GRIN2B: variants seen among roughly 807,000 people sequenced by gnomAD.
The protein encoded by GRIN2B is glutamate ionotropic receptor NMDA type subunit 2B, also known as glutamate receptor ionotropic, NMDA 2B.
A neutral mutation model predicts 114.5 loss-of-function variants in GRIN2B; 5 were observed. That is an observed-to-expected ratio of 0.04 (90% confidence interval 0.02 to 0.09). The LOEUF is 0.09. Ranked by LOEUF, GRIN2B falls within the 10% of genes least tolerant of loss-of-function variation. The pLI is 1.00. For synonymous variants in GRIN2B, 787 were observed against 745.1 expected, an observed-to-expected ratio of 1.06 and a Z score of -0.92; for missense variants, 1,108 against 1,943.5, an observed-to-expected ratio of 0.57 and a Z score of 8.08.
At chr12:13,594,671 T>TA (rs34596965) in intron 10 of GRIN2B, among the ~76,000 whole-genome samples, 46,744 of 142,214 alleles carry the variant, frequency 0.33, 8,429 homozygotes, top group East Asian at 0.64. Context: ...CTTAAAGTAT[T>TA]AAAAAAAAAA....
At chr12:13,785,890 T>C (rs958270646) in intron 3 of GRIN2B, among the ~76,000 whole-genome samples, 1 of 152,200 alleles carries the variant, frequency 6.6e-6, no homozygotes, top group African/African-American at 2.4e-5. Context: ...AATCTAAGAC[T>C]CTAGGAGCCA....
At chr12:13,761,037 T>C (rs781288372) in intron 3 of GRIN2B, among the ~76,000 whole-genome samples, 14 of 152,188 alleles carry the variant, frequency 9.2e-5, no homozygotes, top group South Asian at 2.1e-4. Flanking sequence ...ATATCATGAC[T>C]GAAACACACA....
chr12:13,794,766 C>T (rs1229251007), intron 3 of GRIN2B, among the ~76,000 whole-genome samples: 2 of 152,222 alleles, frequency 1.3e-5, no homozygotes, highest in African/African-American at 4.8e-5. Flanking sequence ...CCTCAGAATG[C>T]ACAATGCCCC....
At chr12:13,932,653 C>T (rs186586488) in intron 2 of GRIN2B, among the ~76,000 whole-genome samples, 5 of 152,192 alleles carry the variant, frequency 3.3e-5, no homozygotes, top group Admixed American at 2.6e-4. Flanking sequence ...TTCTATGATG[C>T]CTACCCTAAA....
intron 2 of GRIN2B, among the ~76,000 whole-genome samples, chr12:13,906,126 G>A (rs1866531029): frequency 1.3e-5 from 2 of 152,132 alleles, no homozygotes; most frequent in Admixed American, 1.3e-4. Flanking sequence ...GCAATTTGAT[G>A]GTTTCAGACA....
At chr12:13,883,841 C>G (rs774604517) in intron 2 of GRIN2B, among the ~76,000 whole-genome samples, 12 of 151,956 alleles carry the variant, frequency 7.9e-5, no homozygotes, top group Non-Finnish European at 1.6e-4. Flanking sequence ...TTTTGTATAT[C>G]TAGAAAGTCT....
At chr12:13,691,250 T>C (rs1950213319) in intron 4 of GRIN2B, among the ~76,000 whole-genome samples, 1 of 152,174 alleles carries the variant, frequency 6.6e-6, no homozygotes, top group Non-Finnish European at 1.5e-5. Context: ...GTCAGTATCT[T>C]CAGAGAGTCC....
rs57206826 is a variant in GRIN2B, at chr12:13,547,981, A to ATTTTTTTTTTTTTTTTTT, written c.*14801_*14802insAAAAAAAAAAAAAAAAAA. On this transcript the variant is annotated 3_prime_UTR_variant, in exon 14 of 14. Transcript: ENST00000609686. ...TGTGTATATATATATATATATATAT[A>ATTTTTTTTTTTTTTTTTT]TTTTTTTTTTTTTTCTGAAAGCTAC... The ATTTTTTTTTTTTTTTTTT allele has an allele frequency of 1.3e-4, 9 of 68,588 alleles. No homozygotes were observed. The highest frequency in any genetic ancestry group is 2.0e-4 in the Non-Finnish European group (7 of 34,394). 4.2% of individuals were successfully genotyped at this position (68,588 alleles called of 1,614,324 possible).
chr12:13,595,483 A>G (rs1348769940), intron 10 of GRIN2B, among the ~76,000 whole-genome samples: 1 of 152,178 alleles, frequency 6.6e-6, no homozygotes, highest in African/African-American at 2.4e-5. Flanking sequence ...TTGGACTCCA[A>G]ATTATCCCAA....
chr12:13,833,395 T>G (rs1280886968), intron 3 of GRIN2B, among the ~76,000 whole-genome samples: 3 of 152,186 alleles, frequency 2.0e-5, no homozygotes, highest in African/African-American at 7.2e-5. Flanking sequence ...CCCCTCCATC[T>G]CCTCTGCATA....
Position 13,567,096 on chromosome 12 carries a change from A to G in GRIN2B, c.2527T>C (p.Tyr843His). 1 of 1,614,208 alleles carries G rather than the reference A, an allele frequency of 6.2e-7. No individual in the cohort carries two copies. The highest frequency in any genetic ancestry group is 8.5e-7 in the Non-Finnish European group (1 of 1,180,032). Residue 843 changes from tyrosine to histidine, a missense_variant, in exon 13 of 14, where the codon TAT becomes CAT. By Grantham distance (83) the Tyr-to-His change is moderately conservative (BLOSUM62 2). Transcript: ENST00000609686. The stretch of plus-strand genomic sequence containing the variant: ...ATAAAGCAATGTCGGAACTGCCAAT[A>G]GAAAAGGTGTTCGCAGATGAAGGTG... ...LITFICEHLFYWQFRHCFMGV... is the reference protein window; with the variant it reads ...LITFICEHLFHWQFRHCFMGV...
chr12:13,908,830 A>C (rs1023050861), intron 2 of GRIN2B, among the ~76,000 whole-genome samples: 1 of 152,204 alleles, frequency 6.6e-6, no homozygotes, highest in Non-Finnish European at 1.5e-5. Flanking sequence ...ACACCAGTAT[A>C]TTCAGTGATT....
intron 4 of GRIN2B, among the ~76,000 whole-genome samples, chr12:13,737,356 C>A (rs1863203949): frequency 6.6e-6 from 1 of 151,918 alleles, no homozygotes. Flanking sequence ...GGACTACAGG[C>A]ACCTGACACC....
At chr12:13,907,734 A>G (rs1866566628) in intron 2 of GRIN2B, among the ~76,000 whole-genome samples, 1 of 152,158 alleles carries the variant, frequency 6.6e-6, no homozygotes, top group African/African-American at 2.4e-5. Flanking sequence ...AAATTCATCA[A>G]GCTGTATATT....
At chr12:13,684,655 A>T (rs1950161269) in intron 4 of GRIN2B, among the ~76,000 whole-genome samples, 1 of 152,192 alleles carries the variant, frequency 6.6e-6, no homozygotes, top group Admixed American at 6.6e-5. Context: ...CTTTTAGTTC[A>T]TATTTCCATG....
chr12:13,891,568 T>G (rs1254351721), intron 2 of GRIN2B, among the ~76,000 whole-genome samples: 2 of 152,160 alleles, frequency 1.3e-5, no homozygotes, highest in African/African-American at 4.8e-5. Context: ...TTAATAAGTC[T>G]AAATTTAAAT....
At chr12:13,648,628 A>G (rs1162132604) in intron 5 of GRIN2B, among the ~76,000 whole-genome samples, 1 of 151,894 alleles carries the variant, frequency 6.6e-6, no homozygotes, top group Non-Finnish European at 1.5e-5. Context: ...GCCTTTGACA[A>G]TAGGCAGGGT....
At chr12:13,949,369 G>C (rs970085851) in intron 2 of GRIN2B, among the ~76,000 whole-genome samples, 4 of 152,150 alleles carry the variant, frequency 2.6e-5, no homozygotes, top group African/African-American at 9.7e-5. Flanking sequence ...GACCCTCTGA[G>C]ATCAAAGGCA....
intron 10 of GRIN2B, among the ~76,000 whole-genome samples, chr12:13,574,640 C>T (rs894231496): frequency 2.6e-5 from 4 of 152,198 alleles, no homozygotes; most frequent in African/African-American, 9.6e-5. Flanking sequence ...GATGAAGCTA[C>T]ATTATAGGTA....
Sources: allele counts gnomAD v4.1 joint callset (sites outside exome capture counted in the v4.1 genomes callset), GRCh38; gene constraint gnomAD v4.1.1; transcripts MANE v1.5; gene names NCBI Gene and HGNC (gene_info 2026-07-23, HGNC 2026-07-21).